RIPOR2: variants seen among roughly 807,000 people sequenced by gnomAD.
RIPOR2 encodes rho family-interacting cell polarization regulator 2.
Under a neutral mutation model 114.5 loss-of-function variants are expected in RIPOR2, and 39 were observed. The ratio of observed to expected loss-of-function variants is 0.34; its 90% CI spans 0.26 to 0.44. The LOEUF (loss-of-function observed/expected upper bound fraction) is 0.44. Among genes scored for constraint, RIPOR2 ranks in the 20% least tolerant of loss-of-function variants. The pLI is 1.00. For synonymous variants in RIPOR2, 445 were observed against 484.4 expected, an observed-to-expected ratio of 0.92 and a Z score of 1.07; for missense variants, 1,007 against 1,255.1, an observed-to-expected ratio of 0.80 and a Z score of 2.99.
At chr6:24,916,268 C>G (rs1186795921) in intron 1 of RIPOR2, among the ~76,000 whole-genome samples, 1 of 152,202 alleles carries the variant, frequency 6.6e-6, no homozygotes, top group Admixed American at 6.5e-5. Context: ...TCAAACATTA[C>G]CTCCTTCATG....
chr6:24,990,973 G>A (rs1001495699), intron 1 of RIPOR2, among the ~76,000 whole-genome samples: 2 of 152,150 alleles, frequency 1.3e-5, no homozygotes. Flanking sequence ...CTTTAATTTG[G>A]CCAGCCATTG....
At chr6:25,011,202 T>TATTTTATAAATTTTATAAATTAGGA (rs1227447070) in intron 1 of RIPOR2, among the ~76,000 whole-genome samples, 46 of 152,264 alleles carry the variant, frequency 3.0e-4, no homozygotes, top group Non-Finnish European at 7.3e-5. Context: ...CATGTTTTAA[T>TATTTTATAAATTTTATAAATTAGGA]ATTTTATAAA....
Position 24,858,572 on chromosome 6 carries a change from T to C in RIPOR2, c.715+2401A>G, listed in dbSNP as rs1436872816. Among the ~76,000 whole-genome samples, 2 of 152,176 alleles carry C rather than the reference T, an allele frequency of 1.3e-5. No individual in the cohort carries two copies. The highest frequency in any genetic ancestry group is 2.9e-5 in the Non-Finnish European group (2 of 68,024). Reference sequence around the variant, plus strand: ...AGAGAAAGATTTCCATGGGGGTGTTTACCATTGAAAGCCTTCACAGATGTA... The same window carrying C: ...AGAGAAAGATTTCCATGGGGGTGTTCACCATTGAAAGCCTTCACAGATGTA... On this transcript the variant is annotated intron_variant, in intron 8 of 21. Transcript: ENST00000643898. The surrounding 1 kb of genome is among the most constrained non-coding windows in gnomAD (Gnocchi z 4.0).
chr6:24,866,151 A>C (rs1764577087), intron 6 of RIPOR2, among the ~76,000 whole-genome samples: 1 of 152,228 alleles, frequency 6.6e-6, no homozygotes, highest in African/African-American at 2.4e-5. Flanking sequence ...ACAATTATCT[A>C]AATATATCAA....
chr6:24,997,275 T>C (rs1005075267), intron 1 of RIPOR2, among the ~76,000 whole-genome samples: 2 of 152,178 alleles, frequency 1.3e-5, no homozygotes, highest in African/African-American at 2.4e-5. Context: ...CCTAGGTAGT[T>C]AATTTAAAAA....
chr6:24,830,245 C>T (rs138278819), intron 17 of RIPOR2, among the ~76,000 whole-genome samples: 3 of 152,266 alleles, frequency 2.0e-5, no homozygotes, highest in East Asian at 3.9e-4. Context: ...GGATAACTGA[C>T]GTGAGCCACT....
chr6:24,882,034 G>A (rs567495215), intron 1 of RIPOR2, among the ~76,000 whole-genome samples: 1 of 152,306 alleles, frequency 6.6e-6, no homozygotes, highest in African/African-American at 2.4e-5. Context: ...AATCTTGGAG[G>A]GCTGTTTGGA....
In RIPOR2 at chr6:24,805,871, A is replaced by G. The variant is rs889600446; in HGVS notation, c.*502T>C. 1.9e-5 allele frequency: 3 copies of G among 155,694 alleles called. No individual in the cohort carries two copies. The highest frequency in any genetic ancestry group is 7.2e-5 in the African/African-American group (3 of 41,476). 9.6% of individuals were successfully genotyped at this position (155,694 alleles called of 1,614,324 possible). ...TTGAATTATACCATAGCCCTATTCT[A>G]TATTGGCCAAAGGAAAAGTAGATAG... On this transcript the variant is annotated 3_prime_UTR_variant, in exon 22 of 22. Transcript: ENST00000643898.
chr6:24,958,281 C>T (rs1041119566), intron 1 of RIPOR2, among the ~76,000 whole-genome samples: 1 of 152,110 alleles, frequency 6.6e-6, no homozygotes, highest in African/African-American at 2.4e-5. Context: ...TTTGCATATG[C>T]ACCTTAATTG....
chr6:24,962,083 C>T (rs389399), intron 1 of RIPOR2, among the ~76,000 whole-genome samples: 1 of 152,058 alleles, frequency 6.6e-6, no homozygotes, highest in African/African-American at 2.4e-5. Flanking sequence ...GGCAGTCTGG[C>T]GCCAGAACCC....
chr6:24,964,660 G>A (rs1035675797), intron 1 of RIPOR2, among the ~76,000 whole-genome samples: 1 of 152,226 alleles, frequency 6.6e-6, no homozygotes, highest in African/African-American at 2.4e-5. Context: ...AGGCTGAGGA[G>A]TGCTGATGTA....
At position 24,935,919 on chromosome 6, in the gene RIPOR2, G is replaced by A; in HGVS notation, c.-21C>T. Reference sequence around the variant, plus strand: ...TGCATCTTGGAGAGGACAGGCGCGAGAAGCAGCAGGCAGCAGCCCCGGCAG... The same window carrying A: ...TGCATCTTGGAGAGGACAGGCGCGAAAAGCAGCAGGCAGCAGCCCCGGCAG... On this transcript the variant is annotated 5_prime_UTR_variant, in exon 1 of 22. Transcript: ENST00000643898. 6.5e-7 allele frequency: 1 copy of A among 1,528,058 alleles called. No homozygotes were observed. The highest frequency in any genetic ancestry group is 8.8e-7 in the Non-Finnish European group (1 of 1,140,180). The allele number at this position is 1,528,058 out of a possible 1,614,324, so 94.7% of individuals were successfully genotyped here. A position where few individuals can be genotyped will look rare whatever the true frequency, so the allele number is the denominator to read the frequency against.
intron 19 of RIPOR2, among the ~76,000 whole-genome samples, chr6:24,819,235 G>A (rs1286118769): frequency 6.6e-6 from 1 of 152,076 alleles, no homozygotes; most frequent in Non-Finnish European, 1.5e-5. Flanking sequence ...AATGTATTAG[G>A]TCCCATAAGA....
intron 19 of RIPOR2, among the ~76,000 whole-genome samples, chr6:24,823,405 C>T (rs758749876): frequency 2.6e-5 from 4 of 152,184 alleles, no homozygotes; most frequent in East Asian, 3.8e-4. Context: ...ATCATAGCAT[C>T]GACCTTGTTA....
At chr6:24,957,223 G>T (rs375785649) in intron 1 of RIPOR2, among the ~76,000 whole-genome samples, 85 of 151,944 alleles carry the variant, frequency 5.6e-4, no homozygotes, top group African/African-American at 1.9e-3. Flanking sequence ...GACGTGTAAC[G>T]ACTCTTTTTA....
At chr6:24,866,801 T>A (rs1222680683) in intron 6 of RIPOR2, among the ~76,000 whole-genome samples, 1 of 152,214 alleles carries the variant, frequency 6.6e-6, no homozygotes, top group Non-Finnish European at 1.5e-5. Flanking sequence ...TAAAACCTGT[T>A]GCTTTGGGGA....
intron 17 of RIPOR2, among the ~76,000 whole-genome samples, chr6:24,828,864 T>G (rs1273828161): frequency 3.3e-5 from 5 of 152,156 alleles, no homozygotes; most frequent in African/African-American, 4.8e-5. Flanking sequence ...ACAATCTGAC[T>G]TCTATCAACA....
chr6:24,906,508 G>A (rs1228042240), intron 1 of RIPOR2, among the ~76,000 whole-genome samples: 3 of 152,176 alleles, frequency 2.0e-5, no homozygotes, highest in African/African-American at 7.2e-5. Flanking sequence ...GAAAGGTGGT[G>A]CTATTAATAA....
chr6:25,032,429 T>C (rs568375521), intron 1 of RIPOR2, among the ~76,000 whole-genome samples: 3 of 152,294 alleles, frequency 2.0e-5, no homozygotes, highest in East Asian at 3.9e-4. Context: ...CAAGAACCTC[T>C]CTGGTGCCTC....
Sources: allele counts gnomAD v4.1 joint callset (sites outside exome capture counted in the v4.1 genomes callset), GRCh38; gene constraint gnomAD v4.1.1; non-coding constraint Gnocchi (gnomAD v3.1); transcripts MANE v1.5; gene names NCBI Gene and HGNC (gene_info 2026-07-23, HGNC 2026-07-21).